Variants in CSHL1 observed in about 807,000 individuals in gnomAD.
CSHL1 encodes the protein chorionic somatomammotropin hormone like 1.
Under a neutral mutation model 24.3 loss-of-function variants are expected in CSHL1, and 25 were observed. The ratio of observed to expected loss-of-function variants is 1.03; its 90% CI spans 0.75 to 1.44. The LOEUF is 1.44. Among genes scored for constraint, CSHL1 ranks in the 40% most tolerant of loss-of-function variants. The pLI is 0.00. For synonymous variants in CSHL1, 157 were observed against 115.6 expected (o/e 1.36, Z -2.30); for missense variants, 342 against 279.3 (o/e 1.22, Z -1.60).
At position 63,910,731 on chromosome 17, in the gene CSHL1, C is replaced by T. The variant is rs979122437; in HGVS notation, c.190+14G>A. 2 of 1,614,242 alleles carry T rather than the reference C, an allele frequency of 1.2e-6. No individual in the cohort carries two copies. Among genetic ancestry groups the T allele is most frequent in the Admixed American group, 3.3e-5 (2 of 60,034 alleles). Reference sequence around the variant, plus strand: ...GGGGGAAAGTCACCCCTTCTTGCCACCCCTGACCCGCACCCATTCCCCAAG... The same window carrying T: ...GGGGGAAAGTCACCCCTTCTTGCCATCCCTGACCCGCACCCATTCCCCAAG... On this transcript the variant is annotated intron_variant, in intron 2 of 4. Coordinates refer to ENST00000309894, the MANE Select transcript of CSHL1 (RefSeq NM_022579.3).
intron 4 of CSHL1, 83 bp downstream of exon 4, chr17:63,910,079 A>C (rs188545945): frequency 1.2e-4 from 187 of 1,614,150 alleles, no homozygotes; most frequent in African/African-American, 8.5e-4. Context: ...CTGACTGCTG[A>C]AAAGAGGGCA....
Position 63,909,896 on chromosome 17 carries a change from C to A in CSHL1, c.484G>T (p.Gly162Cys), listed in dbSNP as rs748515712. The A allele has an allele frequency of 1.2e-6, 2 of 1,613,482 alleles. No individual in the cohort carries two copies. Among genetic ancestry groups the A allele is most frequent in the Non-Finnish European group, 1.7e-6 (2 of 1,179,382 alleles). ...AGGGTCTGCCCAGTCAGGTGGCTGC[C>A]GTCTTCCAGCCTCTGCAAAGTGAAG... ...IQMLMGRLED[G>C]SHLTGQTLKQ... is the part of the protein sequence containing the mutation. Residue 162 changes from glycine (G) to cysteine (C), a missense_variant, in exon 5 of 5, where the codon GGC (glycine) becomes TGC (cysteine). Gly to Cys is a radical substitution (Grantham distance 159, BLOSUM62 -3). Transcript: ENST00000309894.
At position 63,910,552 on chromosome 17, in the gene CSHL1, C is replaced by T. The variant is rs1268229679; in HGVS notation, c.191-17G>A. The T allele has an allele frequency of 9.9e-6, 16 of 1,614,018 alleles. No individual in the cohort carries two copies. The highest frequency in any genetic ancestry group is 5.0e-5 in the Admixed American group (3 of 60,002). ...TATAGGCTTCTTCCTAGGGGAAGGA[C>T]CCCCCACCAAGAAGGACCACTGCTT... On this transcript the variant is annotated splice_polypyrimidine_tract_variant and intron_variant, in intron 2 of 4. Transcript: ENST00000309894.
In CSHL1 at chr17:63,909,992, C is replaced by T. The variant is rs775916620; in HGVS notation, c.472-84G>A. The T allele has an allele frequency of 2.5e-6, 4 of 1,613,856 alleles. No individual in the cohort carries two copies. In the African/African-American group the frequency reaches 5.3e-5, roughly 22 times the overall value. ...CTCATTTATCCATTTTCCTCCTTCC[C>T]CTTCAGGGTGTAGAGAAAGGCCTGG... On this transcript the variant is annotated intron_variant, in intron 4 of 4. Coordinates refer to ENST00000309894, the MANE Select transcript of CSHL1 (RefSeq NM_022579.3).
In CSHL1 at chr17:63,910,793, G is replaced by T. The variant is rs1906919521; in HGVS notation, c.142C>A (p.Gln48Lys). ...TCCTGGTAGGTGTCAATGGCCAGCT[G>T]GTGTGCGCGATGGGCTTGGAGCATA... Reference protein sequence around the residue: ...EAMLQAHRAHQLAIDTYQEFI... With the variant: ...EAMLQAHRAHKLAIDTYQEFI... The change falls in exon 2 of 5, where the codon CAG (glutamine) becomes AAG (lysine). Residue 48 changes from glutamine to lysine, a missense_variant. Coordinates refer to ENST00000309894, the MANE Select transcript of CSHL1 (RefSeq NM_022579.3). 1 of 1,614,234 alleles carries T rather than the reference G, an allele frequency of 6.2e-7. No homozygotes were observed. The highest frequency in any genetic ancestry group is 1.3e-5 in the African/African-American group (1 of 75,052).
At chr17:63,909,970 A>G (rs914166377) in intron 4 of CSHL1, 62 bp from the exon 5 acceptor site, 1 of 1,613,938 alleles carries the variant, frequency 6.2e-7, no homozygotes, top group Non-Finnish European at 8.5e-7. Context: ...TCCCTCTCTC[A>G]TTTATCCATT....
rs1421676384 is a variant in CSHL1, at chr17:63,910,901, C to A, written c.34G>T (p.Ala12Ser). 2.5e-6 allele frequency: 4 copies of A among 1,614,034 alleles called. No homozygotes were observed. Among genetic ancestry groups the A allele is most frequent in the Non-Finnish European group, 3.4e-6 (4 of 1,179,992 alleles). Residue 12 changes from alanine (A) to serine (S), a missense_variant, in exon 2 of 5, where the codon GCT becomes TCT. Physicochemically the swap from Ala to Ser is moderately conservative, Grantham distance 99. Coordinates refer to ENST00000309894, the MANE Select transcript of CSHL1 (RefSeq NM_022579.3). ...CAGGGCAGGCAGAGCAGGGCAAAAG[C>A]CAGGAGCAGGGACGTCCGGGAGCCT... ...AAGSRTSLLL[A>S]FALLCLPWLQ...
At position 63,909,850 on chromosome 17, in the gene CSHL1, A is replaced by C; in HGVS notation, c.530T>G (p.Phe177Cys). ...GTCATGGTTGTGCGAGTTTGTGTCA[A>C]ACTTGCTGTAGGTCTGCTTGAGGGT... ...GQTLKQTYSKFDTNSHNHDAL... is the reference protein window; with the variant it reads ...GQTLKQTYSKCDTNSHNHDAL... The change falls in exon 5 of 5, where the codon TTT becomes TGT. Residue 177 changes from phenylalanine to cysteine, a missense_variant. Phe to Cys is a radical substitution (Grantham distance 205). Coordinates refer to ENST00000309894, the MANE Select transcript of CSHL1 (RefSeq NM_022579.3). 1 of 1,613,964 alleles carries C rather than the reference A, an allele frequency of 6.2e-7. No homozygotes were observed. The highest frequency in any genetic ancestry group is 1.7e-4 in the Middle Eastern group (1 of 6,056).
At position 63,910,918 on chromosome 17, in the gene CSHL1, C is replaced by CG; in HGVS notation, c.16dup (p.Arg6ProfsTer32). Reference sequence around the variant, plus strand: ...GGCAAAAGCCAGGAGCAGGGACGTCCGGGAGCCTGGGGAGAAACCGGAGGG... The same window carrying CG: ...GGCAAAAGCCAGGAGCAGGGACGTCCGGGGAGCCTGGGGAGAAACCGGAGGG... On this transcript the variant is annotated frameshift_variant, in exon 2 of 5. Coordinates refer to ENST00000309894, the MANE Select transcript of CSHL1 (RefSeq NM_022579.3). LOFTEE classifies it high-confidence loss of function. 1.2e-6 allele frequency: 2 copies of CG among 1,613,854 alleles called. No individual in the cohort carries two copies. The highest frequency in any genetic ancestry group is 1.7e-6 in the Non-Finnish European group (2 of 1,179,926).
chr17:63,909,771 C>T lies in CSHL1; in HGVS notation c.609G>A (p.Lys203=). 6.2e-7 allele frequency: 1 copy of T among 1,614,100 alleles called. No homozygotes were observed. The highest frequency in any genetic ancestry group is 8.5e-7 in the Non-Finnish European group (1 of 1,179,992). ...GCACCATGCGCAGGAATGTCTCGAC[C>T]TTGTCCATGTCCTTCCTGAAGCAGT... ...LLHCFRKDMD[K]VETFLRMVQC... The change falls in exon 5 of 5, where the codon AAG becomes AAA. Residue 203 remains lysine (K), a synonymous_variant. Transcript: ENST00000309894.
In CSHL1 at chr17:63,910,027, G is replaced by A. The variant is rs185714207; in HGVS notation, c.472-119C>T. ...GTAGAGAAAGGCCTGGAGGATTCAC[G>A]AGGGGAAATGAAGAATAAGGTGAGT... is the stretch of plus-strand genomic sequence containing the variant. On this transcript the variant is annotated intron_variant, in intron 4 of 4. Coordinates refer to ENST00000309894, the MANE Select transcript of CSHL1 (RefSeq NM_022579.3). 6.9e-5 allele frequency: 111 copies of A among 1,613,942 alleles called. No homozygotes were observed. The African/African-American group carries it at 9.5e-4, about 14-fold the overall frequency.
In CSHL1 at chr17:63,909,624, A is replaced by C. The variant is rs1249744359; in HGVS notation, c.*87T>G. On this transcript the variant is annotated 3_prime_UTR_variant, in exon 5 of 5. Transcript: ENST00000309894. ...AGATGAAACAATACAACTTAATTTT[A>C]TTAAGACAAGGCTGGTGGGCACTGG... The C allele has an allele frequency of 1.2e-5, 19 of 1,599,572 alleles. No homozygotes were observed. In the East Asian group the frequency reaches 4.0e-4, roughly 34 times the overall value.
intron 1 of CSHL1, 89 bp from the exon 2 acceptor site, chr17:63,911,013 C>G (rs1277662888): frequency 3.1e-6 from 5 of 1,610,098 alleles, no homozygotes. Flanking sequence ...TTTTCTCTCT[C>G]TCCATCCCTC....
chr17:63,910,231 A>G lies in CSHL1; in HGVS notation c.402T>C (p.Tyr134=). 5.0e-6 allele frequency: 8 copies of G among 1,613,976 alleles called. No homozygotes were observed. The highest frequency in any genetic ancestry group is 5.9e-6 in the Non-Finnish European group (7 of 1,180,000). ...GATAGTCATCGCTGTCCGAGGTGTC[A>G]TACACCAGGTTGTTGGTGAAGGTAC... ...LRSTFTNNLV[Y]DTSDSDDYHL... The change falls in exon 4 of 5, where the codon TAT becomes TAC. Residue 134 remains tyrosine (Y), a synonymous_variant. Coordinates refer to ENST00000309894, the MANE Select transcript of CSHL1 (RefSeq NM_022579.3).
At chr17:63,910,971 C>A (rs1346897520) in intron 1 of CSHL1, 47 bp from the exon 2 acceptor site, 1 of 1,612,790 alleles carries the variant, frequency 6.2e-7, no homozygotes. Flanking sequence ...AGCAAGAGGC[C>A]AGCACTCTCC....
intron 1 of CSHL1, 57 bp from the exon 2 acceptor site, chr17:63,910,981 C>T: frequency 6.2e-7 from 1 of 1,612,250 alleles, no homozygotes; most frequent in Non-Finnish European, 8.5e-7. Flanking sequence ...CAGCACTCTC[C>T]CTGTTCCAGG....
Position 63,909,879 on chromosome 17 carries a change from C to T in CSHL1, c.501G>A (p.Gly167=). The T allele has an allele frequency of 4.3e-6, 7 of 1,613,970 alleles. No homozygotes were observed. Among genetic ancestry groups the T allele is most frequent in the Non-Finnish European group, 5.9e-6 (7 of 1,179,870 alleles). Residue 167 remains glycine (G), a synonymous_variant, in exon 5 of 5, where the codon GGG becomes GGA. Transcript: ENST00000309894. ...TGCTGTAGGTCTGCTTGAGGGTCTGCCCAGTCAGGTGGCTGCCGTCTTCCA... is the reference window on the plus strand; with the variant it reads ...TGCTGTAGGTCTGCTTGAGGGTCTGTCCAGTCAGGTGGCTGCCGTCTTCCA... ...GRLEDGSHLT[G]QTLKQTYSKF... is the part of the protein sequence containing the mutation.
chr17:63,910,987 C>T (rs1906964957), intron 1 of CSHL1, 63 bp from the exon 2 acceptor site: 2 of 1,611,604 alleles, frequency 1.2e-6, no homozygotes, highest in Admixed American at 3.4e-5. Context: ...TCTCCCTGTT[C>T]CAGGAGCTGT....
Position 63,910,798 on chromosome 17 carries a change from G to T in CSHL1, c.137C>A (p.Ala46Glu), listed in dbSNP as rs1425507036. Residue 46 changes from alanine (A) to glutamate (E), a missense_variant, in exon 2 of 5, where the codon GCA becomes GAA. Transcript: ENST00000309894. ...GTAGGTGTCAATGGCCAGCTGGTGT[G>T]CGCGATGGGCTTGGAGCATAGCCTC... The part of the protein sequence containing the change: ...FKEAMLQAHR[A>E]HQLAIDTYQE... 1.9e-6 allele frequency: 3 copies of T among 1,614,118 alleles called. No individual in the cohort carries two copies. The African/African-American group carries it at 4.0e-5, about 22-fold the overall frequency.
Sources: gnomAD v4.1 joint callset for allele counts on GRCh38, gnomAD v4.1.1 for gene constraint, MANE v1.5 for transcripts, NCBI Gene and HGNC (gene_info 2026-07-23, HGNC 2026-07-21) for gene names.